The following SLC41A2 variants were observed in gnomAD, a reference collection of about 807,000 sequenced individuals.
SLC41A2 encodes solute carrier family 41 member 2.
SLC41A2 carries 32 observed loss-of-function variants against 58.3 expected under a neutral mutation model. That is an observed-to-expected ratio of 0.55 (90% CI 0.41 to 0.74). The LOEUF (loss-of-function observed/expected upper bound fraction) is 0.74. Ranked by LOEUF, SLC41A2 falls within the 30% of genes least tolerant of loss-of-function variation. The pLI is 0.00. For missense variants in SLC41A2, 514 were observed against 680.6 expected, an observed-to-expected ratio of 0.76 and a Z score of 2.72; for synonymous variants, 190 against 235.0, an observed-to-expected ratio of 0.81 and a Z score of 1.75.
chr12:104,916,818 T>G (rs910756090), intron 2 of SLC41A2, among the ~76,000 whole-genome samples: 12 of 152,184 alleles, frequency 7.9e-5, no homozygotes, highest in Non-Finnish European at 1.5e-4. Context: ...TATACAAAAA[T>G]TAATTCAAGA....
intron 10 of SLC41A2, among the ~76,000 whole-genome samples, chr12:104,818,233 T>G (rs2041491592): frequency 6.6e-6 from 1 of 151,742 alleles, no homozygotes; most frequent in African/African-American, 2.4e-5. Flanking sequence ...GAAAGCAGAA[T>G]CAGAACCTGA....
intron 1 of SLC41A2, among the ~76,000 whole-genome samples, chr12:104,949,733 G>A (rs987338890): frequency 4.6e-5 from 7 of 152,072 alleles, no homozygotes; most frequent in Admixed American, 3.9e-4. Context: ...ACAGGCATGT[G>A]CCACCACGCC....
intron 2 of SLC41A2, among the ~76,000 whole-genome samples, chr12:104,912,700 T>C (rs2046137575): frequency 6.6e-6 from 1 of 152,158 alleles, no homozygotes; most frequent in Non-Finnish European, 1.5e-5. Flanking sequence ...GAAGAGGAGA[T>C]CACCGGAACC....
At chr12:104,887,086 AATTTTC>A (rs2044709153) in intron 5 of SLC41A2, among the ~76,000 whole-genome samples, 2 of 151,968 alleles carry the variant, frequency 1.3e-5, no homozygotes, top group African/African-American at 4.8e-5. Context: ...TTTACATCCT[AATTTTC>A]TTAAATTATA....
chr12:104,829,991 G>C (rs1485517376), intron 10 of SLC41A2, among the ~76,000 whole-genome samples: 2 of 152,132 alleles, frequency 1.3e-5, no homozygotes, highest in East Asian at 3.8e-4. Context: ...ATGGCCTAAA[G>C]GCCTAAAATA....
intron 10 of SLC41A2, among the ~76,000 whole-genome samples, chr12:104,810,790 TA>T (rs1262757897): frequency 2.6e-5 from 4 of 152,042 alleles, no homozygotes; most frequent in African/African-American, 7.2e-5. Flanking sequence ...CTCTGACATA[TA>T]AAAAAAGCTA....
chr12:104,852,186 T>C (rs777162917), intron 8 of SLC41A2, among the ~76,000 whole-genome samples: 6 of 152,222 alleles, frequency 3.9e-5, no homozygotes, highest in Non-Finnish European at 8.8e-5. Context: ...GAAAAGAATC[T>C]AATATCAAAA....
At chr12:104,910,736 C>T (rs1374302793) in intron 2 of SLC41A2, among the ~76,000 whole-genome samples, 2 of 148,484 alleles carry the variant, frequency 1.3e-5, no homozygotes, top group Non-Finnish European at 2.9e-5. Context: ...TACCAAATTC[C>T]AAACAGTCTT....
At chr12:104,887,035 C>T (rs964507041) in intron 5 of SLC41A2, among the ~76,000 whole-genome samples, 2 of 151,856 alleles carry the variant, frequency 1.3e-5, no homozygotes, top group African/African-American at 2.4e-5. Context: ...TATAAACCTA[C>T]GAGAGAATAG....
chr12:104,958,070 C>G lies in SLC41A2; in HGVS notation c.-168+18G>C, dbSNP rs967988153. On this transcript the variant is annotated intron_variant, in intron 1 of 10. Coordinates refer to ENST00000258538, the MANE Select transcript of SLC41A2 (RefSeq NM_001352171.3). ...CGCGGCGCCGCGGCCGAAGCCGAGA[C>G]TTCCCCTCCATGGTCACCTGTTCCG... 3 of 152,504 alleles carry G rather than the reference C, an allele frequency of 2.0e-5. No homozygotes were observed. The highest frequency in any genetic ancestry group is 1.3e-4 in the Admixed American group (2 of 15,258). The allele number at this position is 152,504 out of a possible 1,614,324, so 9.4% of individuals were successfully genotyped here.
At chr12:104,859,725 C>T (rs1162126088) in intron 8 of SLC41A2, among the ~76,000 whole-genome samples, 1 of 151,982 alleles carries the variant, frequency 6.6e-6, no homozygotes, top group Non-Finnish European at 1.5e-5. Context: ...ATATTTTTTA[C>T]ATATATACAT....
chr12:104,917,383 T>G (rs1432517521), intron 2 of SLC41A2, among the ~76,000 whole-genome samples: 1 of 152,128 alleles, frequency 6.6e-6, no homozygotes, highest in Non-Finnish European at 1.5e-5. Context: ...GGTGGGACTG[T>G]AAACTAGTTC....
intron 6 of SLC41A2, among the ~76,000 whole-genome samples, chr12:104,883,533 C>T (rs979351786): frequency 6.6e-6 from 1 of 152,300 alleles, no homozygotes; most frequent in African/African-American, 2.4e-5. Flanking sequence ...GCTGTTGATG[C>T]TATTCATTTC....
intron 1 of SLC41A2, among the ~76,000 whole-genome samples, chr12:104,937,695 C>T (rs1258408405): frequency 6.6e-6 from 1 of 152,136 alleles, no homozygotes; most frequent in African/African-American, 2.4e-5. Context: ...AAAGTGTGGT[C>T]TTGGGTCCAG....
At chr12:104,813,514 A>AAATAACAAAATAAATAGCT (rs1414559557) in intron 10 of SLC41A2, among the ~76,000 whole-genome samples, 2 of 152,222 alleles carry the variant, frequency 1.3e-5, no homozygotes, top group African/African-American at 4.8e-5. Context: ...ATATAGGGAT[A>AAATAACAAAATAAATAGCT]AATAACAAAA....
At chr12:104,847,622 A>AAG (rs1555201328) in intron 8 of SLC41A2, among the ~76,000 whole-genome samples, 1 of 150,596 alleles carries the variant, frequency 6.6e-6, no homozygotes, top group Non-Finnish European at 1.5e-5. Flanking sequence ...AAAAAAAAAA[A>AAG]GTCAAGTCCT....
At chr12:104,876,451 G>A (rs964957780) in intron 6 of SLC41A2, among the ~76,000 whole-genome samples, 21 of 151,970 alleles carry the variant, frequency 1.4e-4, no homozygotes, top group African/African-American at 4.8e-4. Context: ...TTGGTATGTT[G>A]TGTTTCCATT....
intron 3 of SLC41A2, among the ~76,000 whole-genome samples, chr12:104,908,296 T>C (rs2045938096): frequency 1.3e-5 from 2 of 152,158 alleles, no homozygotes; most frequent in African/African-American, 4.8e-5. Context: ...ACTAGTAATG[T>C]TAATAAAACA....
At chr12:104,953,443 C>T (rs1355600068) in intron 1 of SLC41A2, among the ~76,000 whole-genome samples, 2 of 152,178 alleles carry the variant, frequency 1.3e-5, no homozygotes, top group Non-Finnish European at 2.9e-5. Flanking sequence ...ATCACTAATT[C>T]CTCCCACAGG....
Sources: allele counts gnomAD v4.1 joint callset (sites outside exome capture counted in the v4.1 genomes callset), GRCh38; gene constraint gnomAD v4.1.1; transcripts MANE v1.5; gene names NCBI Gene and HGNC (gene_info 2026-07-23, HGNC 2026-07-21).